The following SLC35F4 variants were observed in gnomAD, a reference collection of about 807,000 sequenced individuals.
SLC35F4 encodes the protein solute carrier family 35 member F4.
In SLC35F4, 24 loss-of-function variants were observed where a neutral mutation model predicts 44.2. The ratio of observed to expected loss-of-function variants is 0.54; its 90% CI spans 0.39 to 0.76. SLC35F4 has a LOEUF of 0.76. Ranked by LOEUF, SLC35F4 falls within the 30% of genes least tolerant of loss-of-function variation. The pLI is 0.00. For missense variants in SLC35F4, 562 were observed against 586.1 expected, an observed-to-expected ratio of 0.96 and a Z score of 0.42; for synonymous variants, 238 against 223.6, an observed-to-expected ratio of 1.06 and a Z score of -0.57.
upstream of SLC35F4, among the ~76,000 whole-genome samples, chr14:57,982,664 G>A (rs1327793498): frequency 1.3e-5 from 2 of 152,120 alleles, no homozygotes; most frequent in Non-Finnish European, 2.9e-5. Flanking sequence ...TGGTCCTGGT[G>A]GGGTCGTTAA....
chr14:57,890,023 T>A (rs557776521), intron 1 of SLC35F4, among the ~76,000 whole-genome samples: 2 of 152,332 alleles, frequency 1.3e-5, no homozygotes, highest in Admixed American at 1.3e-4. Context: ...CCCTGCCTCC[T>A]CTCACTGTGG....
rs541277535 is a variant in SLC35F4, at chr14:57,568,023, G to A, written c.1127-1459C>T. Among the ~76,000 whole-genome samples the A allele has an allele frequency of 1.1e-4, 16 of 152,348 alleles. No individual in the cohort carries two copies. In the East Asian group the frequency reaches 2.7e-3, roughly 26 times the overall value. ...ATCTGATTTCTATGGAGAAGAGAGGGACGGCAATAAACACTTAGGAATAGG... is the reference window on the plus strand; with the variant it reads ...ATCTGATTTCTATGGAGAAGAGAGGAACGGCAATAAACACTTAGGAATAGG... On this transcript the variant is annotated intron_variant, in intron 6 of 7. Coordinates refer to ENST00000556826, the MANE Select transcript of SLC35F4 (RefSeq NM_001306087.2).
chr14:57,927,442 TTGTC>T (rs1221609739), intron 1 of SLC35F4, among the ~76,000 whole-genome samples: 1 of 152,092 alleles, frequency 6.6e-6, no homozygotes, highest in African/African-American at 2.4e-5. Flanking sequence ...TTTGCCCTCA[TTGTC>T]TGAGTGACTA....
chr14:57,629,907 C>T (rs1304585866), intron 1 of SLC35F4: 2 of 454,910 alleles, frequency 4.4e-6, no homozygotes, highest in African/African-American at 2.0e-5. Flanking sequence ...ACCACCATGT[C>T]CTGCTACCAG....
At chr14:57,880,041 GA>G (rs1888493234) in intron 1 of SLC35F4, among the ~76,000 whole-genome samples, 12 of 950 alleles carry the variant, frequency 0.013, no homozygotes, top group Middle Eastern at 0.1. Flanking sequence ...AGGGAGGAAG[GA>G]AGGAAGGAAG....
chr14:57,821,334 C>A lies in SLC35F4; in HGVS notation c.103+44389G>T, dbSNP rs1484800517. On this transcript the variant is annotated intron_variant, in intron 1 of 7. Transcript: ENST00000556826. Reference sequence around the variant, plus strand: ...ACTAGAATCCAAATACTAAAGGTGGCTCTTTTGGCAAATAATGATTACAGC... The same window carrying A: ...ACTAGAATCCAAATACTAAAGGTGGATCTTTTGGCAAATAATGATTACAGC... 2.0e-5 allele frequency among the ~76,000 whole-genome samples: 3 copies of A among 152,202 alleles called. No individual in the cohort carries two copies. In the East Asian group the frequency reaches 5.8e-4, roughly 29 times the overall value.
intron 1 of SLC35F4, among the ~76,000 whole-genome samples, chr14:57,936,045 A>T (rs1360815733): frequency 6.6e-6 from 1 of 152,238 alleles, no homozygotes; most frequent in Non-Finnish European, 1.5e-5. Flanking sequence ...TGAATTACAG[A>T]CACGCTGAAT....
chr14:57,871,255 T>G (rs919743897), intron 1 of SLC35F4, among the ~76,000 whole-genome samples: 5 of 152,172 alleles, frequency 3.3e-5, no homozygotes, highest in African/African-American at 9.7e-5. Flanking sequence ...CAGTGCCCAG[T>G]GGACTGAAGA....
chr14:57,692,596 G>A (rs1037192961), intron 1 of SLC35F4, among the ~76,000 whole-genome samples: 44 of 152,074 alleles, frequency 2.9e-4, no homozygotes, highest in African/African-American at 1.0e-3. Context: ...TGGTGCTATT[G>A]TGGATGGCAC....
chr14:57,639,168 T>C (rs761719341), intron 1 of SLC35F4, among the ~76,000 whole-genome samples: 2 of 152,034 alleles, frequency 1.3e-5, no homozygotes, highest in Non-Finnish European at 2.9e-5. Flanking sequence ...AAAAATAATC[T>C]CATTAGCTAA....
chr14:57,830,658 C>T (rs17093726), intron 1 of SLC35F4, among the ~76,000 whole-genome samples: 22,479 of 152,118 alleles, frequency 0.15, 2,051 homozygotes, highest in African/African-American at 0.26. Flanking sequence ...CTGCTCAGAT[C>T]TCAGTTTCAG....
At chr14:57,900,420 GCC>G (rs145199140) in intron 1 of SLC35F4, among the ~76,000 whole-genome samples, 2,183 of 152,220 alleles carry the variant, frequency 0.014, 61 homozygotes, top group African/African-American at 0.046. Context: ...CTCACCTCTG[GCC>G]CCCACACTAA....
At chr14:57,855,811 T>C (rs995538329) in intron 1 of SLC35F4, among the ~76,000 whole-genome samples, 12 of 152,220 alleles carry the variant, frequency 7.9e-5, no homozygotes, top group Admixed American at 7.9e-4. Context: ...AATGATAGAC[T>C]GGTTTAAGAA....
At chr14:57,953,423 C>A (rs1400616850) in intron 1 of SLC35F4, among the ~76,000 whole-genome samples, 1 of 152,154 alleles carries the variant, frequency 6.6e-6, no homozygotes, top group Non-Finnish European at 1.5e-5. Context: ...ATCAAATTCA[C>A]ACATAACAAT....
At chr14:57,891,513 C>T (rs1270293556) in intron 1 of SLC35F4, among the ~76,000 whole-genome samples, 1 of 152,074 alleles carries the variant, frequency 6.6e-6, no homozygotes, top group Non-Finnish European at 1.5e-5. Context: ...CACTCTATCA[C>T]AAATGTAGCT....
chr14:57,693,414 T>C (rs2075289727), intron 1 of SLC35F4, among the ~76,000 whole-genome samples: 2 of 151,376 alleles, frequency 1.3e-5, no homozygotes, highest in South Asian at 2.1e-4. Flanking sequence ...TTTACCGGAA[T>C]GAGGGCAGGA....
At chr14:57,672,690 A>G (rs2074557570) in intron 1 of SLC35F4, among the ~76,000 whole-genome samples, 1 of 152,136 alleles carries the variant, frequency 6.6e-6, no homozygotes, top group African/African-American at 2.4e-5. Context: ...TTTCAGAATT[A>G]GAAACCAAAG....
In SLC35F4 at chr14:57,866,001, G is replaced by T. The variant is rs1888138079; in HGVS notation, c.-176C>A. On this transcript the variant is annotated 5_prime_UTR_variant, in exon 1 of 8. Transcript: ENST00000556826. ...GGCTCCGCATCACAGCGGCGGCGGC[G>T]GCGGCGGCGGCGGAGCGGCCCCCAC... The T allele has an allele frequency of 8.4e-6, 3 of 358,282 alleles. No homozygotes were observed. The highest frequency in any genetic ancestry group is 2.2e-5 in the African/African-American group (1 of 45,854). The allele number at this position is 358,282 out of a possible 1,614,324, so 22.2% of individuals were successfully genotyped here.
At chr14:57,589,817 C>G (rs559257022) in intron 2 of SLC35F4, among the ~76,000 whole-genome samples, 14 of 152,310 alleles carry the variant, frequency 9.2e-5, no homozygotes, top group South Asian at 2.1e-4. Flanking sequence ...TCCCAGCCCC[C>G]AAAGACTGGT....
Sources: allele counts gnomAD v4.1 joint callset (sites outside exome capture counted in the v4.1 genomes callset), GRCh38; gene constraint gnomAD v4.1.1; transcripts MANE v1.5; gene names NCBI Gene and HGNC (gene_info 2026-07-23, HGNC 2026-07-21).